Variants in PDE1C observed in about 807,000 individuals in gnomAD.
PDE1C encodes phosphodiesterase 1C.
Under a neutral mutation model 93.1 loss-of-function variants are expected in PDE1C, and 62 were observed. That is an observed-to-expected ratio of 0.67 (90% CI 0.54 to 0.82). The LOEUF (loss-of-function observed/expected upper bound fraction) is 0.82, where lower values mean the gene tolerates loss of function less well. PDE1C is among the 40% of genes least tolerant of loss of function. The probability of loss-of-function intolerance (pLI) is 0.00; values close to 1 mark genes in which losing one functional copy is unlikely to be tolerated. For synonymous variants in PDE1C, 325 were observed against 310.1 expected (o/e 1.05, Z -0.50); for missense variants, 742 against 884.6 (o/e 0.84, Z 2.04).
At chr7:32,302,162 C>T (rs1812896837), upstream of PDE1C, among the ~76,000 whole-genome samples, 2 of 152,258 alleles carry the variant, frequency 1.3e-5, no homozygotes, top group South Asian at 4.1e-4. Context: ...TTATTGACTC[C>T]TAAAATTATA....
intron 1 of PDE1C, among the ~76,000 whole-genome samples, chr7:32,211,854 TCCACAAAAAAA>T (rs1198897100): frequency 2.0e-5 from 3 of 150,812 alleles, no homozygotes; most frequent in African/African-American, 7.4e-5. Flanking sequence ...AGACCCTGTC[TCCACAAAAAAA>T]GTTTTAACAA....
intron 1 of PDE1C, among the ~76,000 whole-genome samples, chr7:32,052,562 T>C (rs17160833): frequency 0.037 from 5,679 of 152,224 alleles, 123 homozygotes; most frequent in Middle Eastern, 0.085. Context: ...ATCCGGGAAG[T>C]ACAATGTTTC....
At chr7:32,190,708 C>A (rs1214291083) in intron 2 of PDE1C, among the ~76,000 whole-genome samples, 2 of 152,070 alleles carry the variant, frequency 1.3e-5, no homozygotes, top group African/African-American at 2.4e-5. Context: ...ACTGGTGGGG[C>A]AGTTTCTGCT....
intron 1 of PDE1C, among the ~76,000 whole-genome samples, chr7:32,361,792 C>G (rs574033457): frequency 1.3e-5 from 2 of 152,282 alleles, no homozygotes; most frequent in South Asian, 4.2e-4. Context: ...TTACCAATGC[C>G]GCTCTCCTCC....
In PDE1C at chr7:32,055,731, T is replaced by A. The variant is rs115939685; in HGVS notation, c.102-4151A>T. Among the ~76,000 whole-genome samples, 1,111 of 152,286 alleles carry A rather than the reference T, an allele frequency of 7.3e-3. 8 individuals carry two copies. Among genetic ancestry groups the A allele is most frequent in the African/African-American group, 0.026 (1,075 of 41,556 alleles). On this transcript the variant is annotated intron_variant, in intron 1 of 17. Transcript: ENST00000396191. ...AAAGGGAATTTTTTTTTGCTTTGTT[T>A]TGTTTTTGAGAGGGAATCTCACTCT...
At chr7:31,630,137 G>C in the PDE1C span, among the ~76,000 whole-genome samples, 19 of 141,820 alleles carry the variant, frequency 1.3e-4, no homozygotes, top group African/African-American at 4.7e-4. Flanking sequence ...AAATATGTTT[G>C]AATTTTTGAT....
chr7:31,957,611 T>A (rs1039239075), intron 2 of PDE1C, among the ~76,000 whole-genome samples: 1 of 152,186 alleles, frequency 6.6e-6, no homozygotes, highest in African/African-American at 2.4e-5. Context: ...CTTTTTTTTA[T>A]ATATCAACAG....
intron 1 of PDE1C, among the ~76,000 whole-genome samples, chr7:32,060,156 A>C (rs896114683): frequency 1.3e-5 from 2 of 152,206 alleles, no homozygotes. Flanking sequence ...TGAATTATTC[A>C]CAGAGCTGTT....
chr7:31,732,087 G>A, the PDE1C span, among the ~76,000 whole-genome samples: 4 of 152,334 alleles, frequency 2.6e-5, no homozygotes, highest in Non-Finnish European at 5.9e-5. Context: ...GTGCGGCCCC[G>A]CACAGCCCAG....
At chr7:31,989,839 G>A (rs936052562) in intron 2 of PDE1C, among the ~76,000 whole-genome samples, 34 of 152,344 alleles carry the variant, frequency 2.2e-4, no homozygotes, top group African/African-American at 7.9e-4. Context: ...TCATAAGCAA[G>A]TTACCTATCT....
Position 31,881,578 on chromosome 7 carries a change from G to A in PDE1C, c.129-718C>T, listed in dbSNP as rs78915087. Reference sequence around the variant, plus strand: ...AAATGACTACAGATGATCAACATGCGGTAACTGAGAATACTGTAAATACCA... The same window carrying A: ...AAATGACTACAGATGATCAACATGCAGTAACTGAGAATACTGTAAATACCA... On this transcript the variant is annotated intron_variant, in intron 2 of 17. Coordinates refer to ENST00000396191, the MANE Select transcript of PDE1C (RefSeq NM_001191057.4). 8.4e-3 allele frequency among the ~76,000 whole-genome samples: 1,275 copies of A among 152,190 alleles called. 22 individuals carry two copies. Among genetic ancestry groups the A allele is most frequent in the African/African-American group, 0.028 (1,171 of 41,504 alleles).
At chr7:32,048,841 A>G (rs1295122661) in intron 2 of PDE1C, among the ~76,000 whole-genome samples, 1 of 152,198 alleles carries the variant, frequency 6.6e-6, no homozygotes, top group East Asian at 1.9e-4. Flanking sequence ...CACACTTTAA[A>G]TGACTTCAAT....
At chr7:32,267,266 A>G (rs1388169814) in intron 1 of PDE1C, among the ~76,000 whole-genome samples, 1 of 152,168 alleles carries the variant, frequency 6.6e-6, no homozygotes, top group Non-Finnish European at 1.5e-5. Flanking sequence ...ACCTAAGGGC[A>G]GAGAGGAAGC....
chr7:31,734,810 A>T, the PDE1C span, among the ~76,000 whole-genome samples: 1 of 152,184 alleles, frequency 6.6e-6, no homozygotes. Flanking sequence ...TATATGAATA[A>T]GTTTTTCATA....
chr7:32,017,639 C>A (rs1024540962), intron 2 of PDE1C, among the ~76,000 whole-genome samples: 20 of 151,866 alleles, frequency 1.3e-4, no homozygotes, highest in African/African-American at 4.8e-4. Context: ...ATAAAGAACT[C>A]CTAAAAATTA....
intron 9 of PDE1C, among the ~76,000 whole-genome samples, chr7:31,842,688 G>T (rs1353298162): frequency 3.9e-5 from 6 of 151,934 alleles, no homozygotes; most frequent in African/African-American, 1.4e-4. Context: ...CAATCATGTT[G>T]CTCTTTTCAA....
At chr7:31,838,015 T>C (rs780643547) in intron 9 of PDE1C, 44 bp from the exon 10 acceptor site, 2 of 1,304,226 alleles carry the variant, frequency 1.5e-6, no homozygotes, top group Non-Finnish European at 1.1e-6. Flanking sequence ...AAGTCAAAAA[T>C]GGAAAGTAAA....
intron 3 of PDE1C, among the ~76,000 whole-genome samples, chr7:32,140,743 G>A (rs1211761802): frequency 1.3e-5 from 2 of 152,172 alleles, no homozygotes; most frequent in African/African-American, 2.4e-5. Context: ...CAGCCAGCAG[G>A]GTGCCTCAGC....
chr7:32,047,032 G>GGTGTGTGTGTGTGTGT (rs60646988), intron 2 of PDE1C, among the ~76,000 whole-genome samples: 24 of 148,812 alleles, frequency 1.6e-4, no homozygotes, highest in African/African-American at 5.9e-4. Context: ...CTGAAATAGG[G>GGTGTGTGTGTGTGTGT]GTGTGTGTGT....
Sources: gnomAD v4.1 joint callset for allele counts (sites outside exome capture counted in the v4.1 genomes callset) on GRCh38, gnomAD v4.1.1 for gene constraint, MANE v1.5 for transcripts, NCBI Gene and HGNC (gene_info 2026-07-23, HGNC 2026-07-21) for gene names.